Variants in MSRA observed in about 807,000 individuals in gnomAD.
MSRA encodes the protein methionine sulfoxide reductase A, also known as mitochondrial peptide methionine sulfoxide reductase.
A neutral mutation model predicts 31.3 loss-of-function variants in MSRA; 54 were observed. The ratio of observed to expected loss-of-function variants is 1.73; its 90% CI spans 1.39 to 2.17. MSRA has a LOEUF of 2.17. Among genes scored for constraint, MSRA ranks in the 30% most tolerant of loss-of-function variants. The probability of loss-of-function intolerance (pLI) is 0.00; values close to 1 mark genes in which losing one functional copy is unlikely to be tolerated. For synonymous variants in MSRA, 169 were observed against 116.5 expected, an observed-to-expected ratio of 1.45 and a Z score of -2.90; for missense variants, 507 against 300.9, an observed-to-expected ratio of 1.69 and a Z score of -5.07.
At chr8:10,415,858 ACCT>A (rs1808427033) in intron 5 of MSRA, among the ~76,000 whole-genome samples, 3 of 151,408 alleles carry the variant, frequency 2.0e-5, no homozygotes, top group African/African-American at 7.3e-5. Flanking sequence ...TTCAGTGCCC[ACCT>A]CCTCCTGCAA....
intron 3 of MSRA, among the ~76,000 whole-genome samples, chr8:10,272,294 G>A (rs1799085686): frequency 6.6e-6 from 1 of 152,146 alleles, no homozygotes; most frequent in Non-Finnish European, 1.5e-5. Context: ...TGATTATGGA[G>A]GCTGGTGAGT....
At chr8:10,083,081 C>G (rs1297516483) in intron 1 of MSRA, among the ~76,000 whole-genome samples, 1 of 149,882 alleles carries the variant, frequency 6.7e-6, no homozygotes, top group East Asian at 2.1e-4. Context: ...TACTTACATT[C>G]TTTGTTGCAT....
At chr8:10,182,241 C>G (rs977679370) in intron 1 of MSRA, among the ~76,000 whole-genome samples, 1 of 152,208 alleles carries the variant, frequency 6.6e-6, no homozygotes, top group Non-Finnish European at 1.5e-5. Context: ...TACAGAATGA[C>G]TAAGAATATG....
intron 1 of MSRA, among the ~76,000 whole-genome samples, chr8:10,143,804 G>C (rs1292029267): frequency 6.6e-6 from 1 of 152,158 alleles, no homozygotes; most frequent in African/African-American, 2.4e-5. Context: ...TACATATCCA[G>C]ACAAAAAGTT....
intron 1 of MSRA, among the ~76,000 whole-genome samples, chr8:10,193,067 C>T (rs538626045): frequency 3.3e-5 from 5 of 152,196 alleles, no homozygotes; most frequent in Non-Finnish European, 7.3e-5. Context: ...TTAGTCTTGG[C>T]ACTAATATCC....
At chr8:10,422,146 G>A (rs1563463652) in intron 5 of MSRA, among the ~76,000 whole-genome samples, 2 of 152,180 alleles carry the variant, frequency 1.3e-5, no homozygotes, top group South Asian at 4.1e-4. Context: ...GCCAGGTATG[G>A]TGGTGTACGC....
intron 1 of MSRA, among the ~76,000 whole-genome samples, chr8:10,063,187 G>A (rs957691145): frequency 1.3e-5 from 2 of 152,094 alleles, no homozygotes; most frequent in East Asian, 1.9e-4. Flanking sequence ...CCCAGAAGCC[G>A]CAGTCAGGGT....
intron 5 of MSRA, among the ~76,000 whole-genome samples, chr8:10,372,252 G>A (rs906022385): frequency 6.6e-6 from 1 of 152,114 alleles, no homozygotes; most frequent in Non-Finnish European, 1.5e-5. Flanking sequence ...GAGCCAGAGG[G>A]GTCCAATTGG....
intron 5 of MSRA, among the ~76,000 whole-genome samples, chr8:10,334,101 C>T (rs1432618695): frequency 6.6e-6 from 1 of 151,494 alleles, no homozygotes; most frequent in African/African-American, 2.4e-5. Context: ...AAGGCCCCAG[C>T]GCCTACTGCC....
chr8:10,153,569 G>T (rs1803898014), intron 1 of MSRA, among the ~76,000 whole-genome samples: 2 of 152,062 alleles, frequency 1.3e-5, no homozygotes, highest in Non-Finnish European at 2.9e-5. Context: ...ACTGGGTGAG[G>T]TAGAGATACA....
intron 1 of MSRA, among the ~76,000 whole-genome samples, chr8:10,196,207 T>C (rs901706510): frequency 6.6e-6 from 1 of 152,326 alleles, no homozygotes; most frequent in East Asian, 1.9e-4. Flanking sequence ...AAGAGAGATG[T>C]GCTGTATACT....
rs117397236 is a variant in MSRA at position 10,346,204 on chromosome 8, C to T, written c.543+26215C>T. On this transcript the variant is annotated intron_variant, in intron 5 of 5. Coordinates refer to ENST00000317173, the MANE Select transcript of MSRA (RefSeq NM_012331.5). ...CTTGGGGTCCTGACCTCAGTAAATG[C>T]AGTCTTATCCTCACCCATTGCTTTG... Among the ~76,000 whole-genome samples, 506 of 152,306 alleles carry T rather than the reference C, an allele frequency of 3.3e-3. 5 individuals carry two copies. The highest frequency in any genetic ancestry group is 0.02 in the Middle Eastern group (6 of 294).
chr8:10,215,564 C>T (rs940334824), intron 2 of MSRA, among the ~76,000 whole-genome samples: 28 of 152,134 alleles, frequency 1.8e-4, no homozygotes, highest in Admixed American at 9.2e-4. Flanking sequence ...TAACACCAGA[C>T]GAGTCCCGTA....
intron 1 of MSRA, among the ~76,000 whole-genome samples, chr8:10,075,571 G>A (rs987715120): frequency 6.6e-6 from 1 of 152,134 alleles, no homozygotes; most frequent in African/African-American, 2.4e-5. Context: ...GAAAGAAATG[G>A]CTCCCAGTAT....
intron 1 of MSRA, among the ~76,000 whole-genome samples, 197 bp from the exon 2 acceptor site, chr8:10,207,636 A>G (rs1340468175): frequency 6.6e-6 from 1 of 152,184 alleles, no homozygotes; most frequent in Admixed American, 6.5e-5. Context: ...ATAAAATGAC[A>G]TACCTGAACT....
intron 5 of MSRA, among the ~76,000 whole-genome samples, chr8:10,358,878 C>G (rs1013507568): frequency 3.3e-5 from 5 of 152,086 alleles, no homozygotes; most frequent in African/African-American, 1.2e-4. Context: ...AGGCGTGAGC[C>G]ACCAGCATTA....
At chr8:10,238,235 C>G (rs770624323) in intron 2 of MSRA, among the ~76,000 whole-genome samples, 1 of 152,228 alleles carries the variant, frequency 6.6e-6, no homozygotes, top group Non-Finnish European at 1.5e-5. Context: ...GAGTGCCTCA[C>G]TGCCTCCATG....
chr8:10,108,010 T>A (rs1419803093), intron 1 of MSRA, among the ~76,000 whole-genome samples: 1 of 152,170 alleles, frequency 6.6e-6, no homozygotes, highest in Non-Finnish European at 1.5e-5. Flanking sequence ...TCCCATTTCT[T>A]TTGTTGTCCT....
intron 1 of MSRA, among the ~76,000 whole-genome samples, chr8:10,080,420 C>T (rs970909648): frequency 2.6e-5 from 4 of 152,070 alleles, no homozygotes; most frequent in South Asian, 2.1e-4. Flanking sequence ...GAAGGAGAAC[C>T]GTGCTGTGGT....
Sources: gnomAD v4.1 joint callset for allele counts (sites outside exome capture counted in the v4.1 genomes callset) on GRCh38, gnomAD v4.1.1 for gene constraint, MANE v1.5 for transcripts, NCBI Gene and HGNC (gene_info 2026-07-23, HGNC 2026-07-21) for gene names.